The following FSTL5 variants were observed in gnomAD, a reference collection of about 807,000 sequenced individuals.
The protein encoded by FSTL5 is follistatin like 5.
A neutral mutation model predicts 89.1 loss-of-function variants in FSTL5; 62 were observed. The ratio of observed to expected loss-of-function variants is 0.70; its 90% CI spans 0.57 to 0.86. The LOEUF (loss-of-function observed/expected upper bound fraction) is 0.86, where lower values mean the gene tolerates loss of function less well. Among genes scored for constraint, FSTL5 ranks in the 40% least tolerant of loss-of-function variants. The pLI, the probability that FSTL5 is intolerant of heterozygous loss-of-function variation, is 0.00. For missense variants in FSTL5, 1,057 were observed against 1,001.6 expected (o/e 1.06, Z -0.75); for synonymous variants, 383 against 346.2 (o/e 1.11, Z -1.18).
At chr4:161,801,352 T>G (rs938502637) in intron 4 of FSTL5, among the ~76,000 whole-genome samples, 28 of 151,688 alleles carry the variant, frequency 1.8e-4, no homozygotes, top group African/African-American at 6.7e-4. Flanking sequence ...ATTCATTCAA[T>G]GCATATTTAT....
intron 6 of FSTL5, among the ~76,000 whole-genome samples, chr4:161,660,705 A>G (rs1326219156): frequency 1.3e-5 from 2 of 152,146 alleles, no homozygotes; most frequent in East Asian, 1.9e-4. Flanking sequence ...GCTCCCACTT[A>G]TAAGTGAGAA....
chr4:161,666,667 G>A (rs1409890593), intron 6 of FSTL5, among the ~76,000 whole-genome samples: 13 of 152,058 alleles, frequency 8.5e-5, no homozygotes, highest in Non-Finnish European at 1.9e-4. Context: ...GAAAAGAGAA[G>A]ACCCCTATAT....
intron 3 of FSTL5, among the ~76,000 whole-genome samples, chr4:161,985,523 A>G (rs957643563): frequency 6.6e-6 from 1 of 152,038 alleles, no homozygotes; most frequent in African/African-American, 2.4e-5. Context: ...AAGTTTCTTA[A>G]AAATACAATG....
intron 3 of FSTL5, among the ~76,000 whole-genome samples, chr4:161,948,342 C>G (rs1156709056): frequency 6.7e-6 from 1 of 148,216 alleles, no homozygotes; most frequent in Non-Finnish European, 1.5e-5. Flanking sequence ...TGGCTCTGTA[C>G]AGCTTTTTAA....
intron 6 of FSTL5, among the ~76,000 whole-genome samples, chr4:161,732,223 G>A (rs962669109): frequency 1.9e-4 from 29 of 151,968 alleles, no homozygotes; most frequent in African/African-American, 6.0e-4. Flanking sequence ...AGCTTATTGT[G>A]GTTTTAATTT....
chr4:162,068,082 C>T (rs112475884), intron 2 of FSTL5, among the ~76,000 whole-genome samples: 6,053 of 152,152 alleles, frequency 0.04, 181 homozygotes, highest in East Asian at 0.11. Context: ...ACATTCCATG[C>T]TCATGAATAA....
intron 10 of FSTL5, among the ~76,000 whole-genome samples, chr4:161,527,727 G>A (rs1731274386): frequency 6.6e-6 from 1 of 151,698 alleles, no homozygotes; most frequent in Non-Finnish European, 1.5e-5. Context: ...CATTGTGGAA[G>A]TCAGTGTGGC....
At chr4:161,940,378 T>C (rs934640563) in intron 3 of FSTL5, among the ~76,000 whole-genome samples, 26 of 151,362 alleles carry the variant, frequency 1.7e-4, no homozygotes, top group Admixed American at 4.6e-4. Context: ...ATTTGAAAAA[T>C]AACAAGCAAA....
intron 3 of FSTL5, among the ~76,000 whole-genome samples, chr4:161,941,568 T>C (rs1374413694): frequency 6.6e-6 from 1 of 151,844 alleles, no homozygotes; most frequent in Non-Finnish European, 1.5e-5. Context: ...CATTATATAT[T>C]GGTAAAAGGA....
intron 4 of FSTL5, among the ~76,000 whole-genome samples, chr4:161,847,848 A>AC (rs1731417836): frequency 6.6e-6 from 1 of 151,516 alleles, no homozygotes; most frequent in Admixed American, 6.6e-5. Flanking sequence ...ACCAGCCTGG[A>AC]CAACATGGTG....
At chr4:161,538,037 G>A (rs1009314539) in intron 10 of FSTL5, 129 bp downstream of exon 10, 24 of 784,398 alleles carry the variant, frequency 3.1e-5, no homozygotes, top group African/African-American at 2.1e-4. Flanking sequence ...TCCTTCCTAC[G>A]TATAAAATCT....
rs1203733163 is a variant in FSTL5 at position 162,111,315 on chromosome 4, ATCC to A, written c.79_81del (p.Gly27del). 1.2e-6 allele frequency: 2 copies of A among 1,612,028 alleles called. No individual in the cohort carries two copies. The highest frequency in any genetic ancestry group is 1.3e-5 in the African/African-American group (1 of 74,842). ...AGAGGCTGATAGGATTTAAGGCCAT[ATCC>A]TCCTTCTTTGGTTGGCCTTCCTTCC... On this transcript the variant is annotated inframe_deletion, in exon 2 of 16. Transcript: ENST00000306100.
intron 15 of FSTL5, among the ~76,000 whole-genome samples, chr4:161,396,774 C>T (rs571964327): frequency 1.3e-4 from 20 of 150,722 alleles, no homozygotes; most frequent in South Asian, 1.0e-3. Context: ...AAAGCTATAC[C>T]CATTTTATAA....
At chr4:161,497,740 C>T (rs1248136679) in intron 12 of FSTL5, among the ~76,000 whole-genome samples, 1 of 151,766 alleles carries the variant, frequency 6.6e-6, no homozygotes, top group South Asian at 2.1e-4. Flanking sequence ...TGTAGATTTC[C>T]AGGGGCTGTG....
intron 6 of FSTL5, among the ~76,000 whole-genome samples, chr4:161,671,003 C>T (rs749268821): frequency 2.0e-5 from 3 of 152,176 alleles, no homozygotes; most frequent in Non-Finnish European, 4.4e-5. Flanking sequence ...AGCTTCACAA[C>T]ACTGATGAAC....
At chr4:161,701,531 C>A (rs1425254975) in intron 6 of FSTL5, among the ~76,000 whole-genome samples, 1 of 151,278 alleles carries the variant, frequency 6.6e-6, no homozygotes, top group South Asian at 2.1e-4. Flanking sequence ...TGAAAAGAAA[C>A]CAGTTAACCA....
chr4:161,710,779 G>A (rs1476179708), intron 6 of FSTL5, among the ~76,000 whole-genome samples: 2 of 152,138 alleles, frequency 1.3e-5, no homozygotes, highest in Non-Finnish European at 2.9e-5. Context: ...TAAATCTGAA[G>A]TATAATCTGA....
At chr4:161,576,467 A>C (rs1250560187) in intron 8 of FSTL5, among the ~76,000 whole-genome samples, 1 of 152,158 alleles carries the variant, frequency 6.6e-6, no homozygotes, top group East Asian at 1.9e-4. Context: ...GGTACCAAAA[A>C]CAGATATACA....
intron 2 of FSTL5, among the ~76,000 whole-genome samples, chr4:162,065,385 T>C (rs1183743697): frequency 6.6e-6 from 1 of 151,700 alleles, no homozygotes; most frequent in Non-Finnish European, 1.5e-5. Flanking sequence ...TAAATAAATA[T>C]GGGAAAATGA....
Sources: gnomAD v4.1 joint callset for allele counts (sites outside exome capture counted in the v4.1 genomes callset) on GRCh38, gnomAD v4.1.1 for gene constraint, MANE v1.5 for transcripts, NCBI Gene and HGNC (gene_info 2026-07-23, HGNC 2026-07-21) for gene names.